DNAJC9: variants seen among roughly 807,000 people sequenced by gnomAD.
DNAJC9 encodes the protein DnaJ heat shock protein family (Hsp40) member C9.
In DNAJC9, 18 loss-of-function variants were observed where a neutral mutation model predicts 32.4. That is an observed-to-expected ratio of 0.56 (90% CI 0.38 to 0.82). The LOEUF is 0.82. Ranked by LOEUF, DNAJC9 falls within the 40% of genes least tolerant of loss-of-function variation. DNAJC9 has a pLI of 0.00. For missense variants in DNAJC9, 310 were observed against 321.8 expected (o/e 0.96, Z 0.28); for synonymous variants, 113 against 122.1 (o/e 0.93, Z 0.49).
At chr10:73,238,252 C>G (rs1554864945), downstream of DNAJC9, among the ~76,000 whole-genome samples, 1 of 152,120 alleles carries the variant, frequency 6.6e-6, no homozygotes, top group Non-Finnish European at 1.5e-5. Context: ...GAGGCTAAGG[C>G]AGGAGAATTG....
downstream of DNAJC9, chr10:73,239,173 A>T: frequency 1.6e-6 from 1 of 624,322 alleles, no homozygotes; most frequent in South Asian, 2.2e-5. Context: ...AACCCAGTGC[A>T]CTCAGCTGAC....
chr10:73,233,104 G>A lies in DNAJC9; in HGVS notation n.147+10739C>T, dbSNP rs748791406. ...CACGAACTCTTCATCCGATCAGCACGAGCCATTCATGTGCTGAAACACCAA... is the reference window on the plus strand; with the variant it reads ...CACGAACTCTTCATCCGATCAGCACAAGCCATTCATGTGCTGAAACACCAA... On this transcript the variant is annotated intron_variant and non_coding_transcript_variant, in intron 2 of 2. Coordinates refer to the DNAJC9 transcript ENST00000469143. 1.8e-5 allele frequency: 28 copies of A among 1,551,582 alleles called. No homozygotes were observed. In the South Asian group the frequency reaches 2.6e-4, roughly 15 times the overall value.
At chr10:73,243,760 AAAAC>A in intron 4 of DNAJC9, 79 bp downstream of exon 4, 1 of 1,354,998 alleles carries the variant, frequency 7.4e-7, no homozygotes, top group Non-Finnish European at 1.0e-6. Context: ...TTAAAAGAAG[AAAAC>A]AAAATACAAC....
chr10:73,243,192 G>C lies in DNAJC9; in HGVS notation c.*208C>G. 3 of 550,590 alleles carry C rather than the reference G, an allele frequency of 5.4e-6. No individual in the cohort carries two copies. Among genetic ancestry groups the C allele is most frequent in the Non-Finnish European group, 3.2e-6 (1 of 314,330 alleles). 34.1% of individuals were successfully genotyped at this position (550,590 alleles called of 1,614,324 possible). ...CAAATGTCACCACCAAGTTCCTTCA[G>C]GTGAGACCTCACACAATGTCAAGTG... On this transcript the variant is annotated 3_prime_UTR_variant, in exon 5 of 5. Transcript: ENST00000372950.
chr10:73,239,528 T>C, downstream of DNAJC9: 1 of 621,938 alleles, frequency 1.6e-6, no homozygotes. Context: ...TCACCTAAAA[T>C]TCATTTTGGA....
At position 73,243,115 on chromosome 10, in the gene DNAJC9, G is replaced by C. The variant is rs2043972283; in HGVS notation, c.*285C>G. 2.6e-6 allele frequency: 1 copy of C among 378,824 alleles called. No homozygotes were observed. Among genetic ancestry groups the C allele is most frequent in the African/African-American group, 2.1e-5 (1 of 47,938 alleles). 23.5% of individuals were successfully genotyped at this position (378,824 alleles called of 1,614,324 possible). A position where few individuals can be genotyped will look rare whatever the true frequency, so the allele number is the denominator to read the frequency against. On this transcript the variant is annotated 3_prime_UTR_variant, in exon 5 of 5. Coordinates refer to ENST00000372950, the MANE Select transcript of DNAJC9 (RefSeq NM_015190.5). ...CTAGATAAGAGTTCTGTGTACAGAA[G>C]ATCCATGGAGGCAAGTGCTGTCAGG...
In DNAJC9 at chr10:73,243,802, A is replaced by T. The variant is rs2043978785; in HGVS notation, c.663+41T>A. The T allele has an allele frequency of 2.0e-6, 3 of 1,529,220 alleles. No individual in the cohort carries two copies. The South Asian group carries it at 3.5e-5, about 18-fold the overall frequency. 94.7% of individuals were successfully genotyped at this position (1,529,220 alleles called of 1,614,324 possible). On this transcript the variant is annotated intron_variant, in intron 4 of 4. Transcript: ENST00000372950. ...TCCAAAGAAAATATTAGCAGTAGGA[A>T]TCAGATCATTAAAGATGTGGCAACA...
chr10:73,232,329 G>T (rs559715784), intron 2 of DNAJC9, among the ~76,000 whole-genome samples: 17 of 152,286 alleles, frequency 1.1e-4, no homozygotes, highest in African/African-American at 3.6e-4. Context: ...TTGTATTTCA[G>T]TTATTTATGC....
downstream of DNAJC9, among the ~76,000 whole-genome samples, chr10:73,238,187 A>G (rs1404485596): frequency 6.6e-6 from 1 of 152,152 alleles, no homozygotes; most frequent in Non-Finnish European, 1.5e-5. Context: ...TCTATTAAAA[A>G]TACAAGAAAA....
At chr10:73,235,541 A>C, downstream of DNAJC9, 1 of 1,008,052 alleles carries the variant, frequency 9.9e-7, no homozygotes. Flanking sequence ...TATTCTAAGC[A>C]ATTTAACACT....
chr10:73,232,572 CAG>C (rs2043730894), intron 2 of DNAJC9, among the ~76,000 whole-genome samples: 1 of 152,214 alleles, frequency 6.6e-6, no homozygotes, highest in Non-Finnish European at 1.5e-5. Flanking sequence ...ATGCCTCAAA[CAG>C]AGTAGGAATC....
intron 3 of DNAJC9, 138 bp from the exon 4 acceptor site, chr10:73,244,067 A>G (rs1376996745): frequency 1.5e-5 from 10 of 653,786 alleles, no homozygotes; most frequent in Non-Finnish European, 2.6e-5. Context: ...TTACATAACT[A>G]TGTCATTCAT....
At position 73,243,405 on chromosome 10, in the gene DNAJC9, T is replaced by C. The variant is rs1589204165; in HGVS notation, c.778A>G (p.Lys260Glu). 1.2e-6 allele frequency: 2 copies of C among 1,613,818 alleles called. No individual in the cohort carries two copies. The highest frequency in any genetic ancestry group is 2.2e-5 in the East Asian group (1 of 44,872). Residue 260 changes from lysine to glutamate, a missense_variant, in exon 5 of 5, where the codon AAA becomes GAA. Transcript: ENST00000372950. ...CTTTGAAGAGAAAAATTCCATTATT[T>C]CTTTTCTTTCTTGAGAGCAGATTTT... Reference protein sequence around the residue: ...GKKSALKKEKK With the variant: ...GKKSALKKEKE
downstream of DNAJC9, chr10:73,235,612 C>CT (rs1554864455): frequency 7.6e-6 from 3 of 393,006 alleles, no homozygotes; most frequent in Non-Finnish European, 1.3e-5. Flanking sequence ...ATAAGCATAA[C>CT]TTTATTATGT....
chr10:73,235,413 G>T (rs1218883614), downstream of DNAJC9: 2 of 1,492,158 alleles, frequency 1.3e-6, no homozygotes, highest in Non-Finnish European at 1.8e-6. Flanking sequence ...TTATCTAGAG[G>T]CTTAACCCAG....
chr10:73,234,786 A>G (rs1188083730), downstream of DNAJC9: 6 of 1,549,752 alleles, frequency 3.9e-6, no homozygotes, highest in Admixed American at 3.9e-5. Flanking sequence ...TCATGCTTTC[A>G]TACCTTCGTG....
chr10:73,244,162 G>C (rs2043982547), intron 3 of DNAJC9: 1 of 526,084 alleles, frequency 1.9e-6, no homozygotes, highest in Non-Finnish European at 3.4e-6. Flanking sequence ...TTTGCTAGAG[G>C]TAGTAAGTAC....
At position 73,242,578 on chromosome 10, in the gene DNAJC9, T is replaced by C. The variant is rs886682494; in HGVS notation, c.*822A>G. Reference sequence around the variant, plus strand: ...TCACTCTTTGTTTTGATGTAGTAACTCTTTTATAAAAGGGAACAGATTCAG... The same window carrying C: ...TCACTCTTTGTTTTGATGTAGTAACCCTTTTATAAAAGGGAACAGATTCAG... On this transcript the variant is annotated 3_prime_UTR_variant, in exon 5 of 5. Coordinates refer to ENST00000372950, the MANE Select transcript of DNAJC9 (RefSeq NM_015190.5). 6.6e-6 allele frequency: 1 copy of C among 152,210 alleles called. No homozygotes were observed. The highest frequency in any genetic ancestry group is 1.5e-5 in the Non-Finnish European group (1 of 68,042). The allele number at this position is 152,210 out of a possible 1,614,324, so 9.4% of individuals were successfully genotyped here.
At chr10:73,246,878 G>T in intron 1 of DNAJC9, 50 bp from the exon 2 acceptor site, 1 of 1,609,420 alleles carries the variant, frequency 6.2e-7, no homozygotes, top group Non-Finnish European at 8.5e-7. Flanking sequence ...CCACCGAAAC[G>T]GCGGCGCGAG....
Sources: gnomAD v4.1 joint callset for allele counts (sites outside exome capture counted in the v4.1 genomes callset) on GRCh38, gnomAD v4.1.1 for gene constraint, MANE v1.5 for transcripts, NCBI Gene and HGNC (gene_info 2026-07-23, HGNC 2026-07-21) for gene names.